PTGFR: variants seen among roughly 807,000 people sequenced by gnomAD.
PTGFR encodes prostaglandin F receptor, also known as prostaglandin F2-alpha receptor.
A neutral mutation model predicts 26.2 loss-of-function variants in PTGFR; 15 were observed. That is an observed-to-expected ratio of 0.57 (90% CI 0.38 to 0.88). The LOEUF is 0.88. Among genes scored for constraint, PTGFR ranks in the 40% least tolerant of loss-of-function variants. The pLI, the probability that PTGFR is intolerant of heterozygous loss-of-function variation, is 0.00. For missense variants in PTGFR, 369 were observed against 427.2 expected, an observed-to-expected ratio of 0.86 and a Z score of 1.20; for synonymous variants, 165 against 151.1, an observed-to-expected ratio of 1.09 and a Z score of -0.68.
rs144626360 is a variant in PTGFR, at chr1:78,499,722, A to C, written c.798+6181A>C. Among the ~76,000 whole-genome samples, 36 of 152,318 alleles carry C rather than the reference A, an allele frequency of 2.4e-4. 1 individual carries two copies. Among genetic ancestry groups the C allele is most frequent in the Non-Finnish European group, 4.6e-4 (31 of 68,038 alleles). On this transcript the variant is annotated intron_variant, in intron 2 of 2. Transcript: ENST00000370757. The stretch of plus-strand genomic sequence containing the variant: ...TGGACTTTCTGAAGTTTGAATCCAG[A>C]ATGAGAATTTAGGAATTCTGTCAGC...
intron 2 of PTGFR, among the ~76,000 whole-genome samples, chr1:78,499,311 C>T (rs189490717): frequency 8.5e-5 from 13 of 152,364 alleles, no homozygotes; most frequent in Middle Eastern, 3.4e-3. Context: ...TTATCTCCCT[C>T]ATAGGACCTA....
chr1:78,493,934 CAT>C (rs1278803645), intron 2 of PTGFR, among the ~76,000 whole-genome samples: 3 of 152,226 alleles, frequency 2.0e-5, no homozygotes, highest in African/African-American at 7.2e-5. Context: ...GTAAACAGGG[CAT>C]ATTAGCTACT....
rs770650859 is a variant in PTGFR at position 78,493,349 on chromosome 1, T to A, written c.606T>A (p.Leu202=). 1.2e-6 allele frequency: 2 copies of A among 1,614,094 alleles called. No individual in the cohort carries two copies. The highest frequency in any genetic ancestry group is 1.7e-6 in the Non-Finnish European group (2 of 1,180,004). ...DIKDWEDRFY[L]LLFSFLGLLA... ...AAGACTGGGAAGATAGATTTTATCTTCTACTTTTTTCTTTTCTGGGGCTCT... is the reference window on the plus strand; with the variant it reads ...AAGACTGGGAAGATAGATTTTATCTACTACTTTTTTCTTTTCTGGGGCTCT... The change falls in exon 2 of 3, where the codon CTT becomes CTA. Residue 202 remains leucine (L), a synonymous_variant. Coordinates refer to ENST00000370757, the MANE Select transcript of PTGFR (RefSeq NM_000959.4).
At chr1:78,534,810 AG>A (rs1398311858) in intron 2 of PTGFR, among the ~76,000 whole-genome samples, 2 of 152,194 alleles carry the variant, frequency 1.3e-5, no homozygotes, top group Non-Finnish European at 2.9e-5. Context: ...ATTATGTGAA[AG>A]TGTTATAATT....
chr1:78,498,180 T>A, intron 2 of PTGFR, among the ~76,000 whole-genome samples: 1 of 152,120 alleles, frequency 6.6e-6, no homozygotes. Flanking sequence ...AATGATGGAG[T>A]AACATGACAT....
chr1:78,500,883 T>C (rs1360518962), intron 2 of PTGFR, among the ~76,000 whole-genome samples: 4 of 152,196 alleles, frequency 2.6e-5, no homozygotes, highest in South Asian at 2.1e-4. Flanking sequence ...CAAATGTCAA[T>C]CCATTTTTAA....
chr1:78,531,123 T>A (rs986537075), intron 2 of PTGFR, among the ~76,000 whole-genome samples: 1 of 152,174 alleles, frequency 6.6e-6, no homozygotes, highest in South Asian at 2.1e-4. Context: ...AGGTTTGAGA[T>A]ACTGACAGGT....
chr1:78,513,765 T>G (rs557880504), intron 2 of PTGFR, among the ~76,000 whole-genome samples: 2 of 152,280 alleles, frequency 1.3e-5, no homozygotes, highest in East Asian at 3.9e-4. Context: ...GCAGCCCCTC[T>G]CATCACAGGC....
At chr1:78,498,412 G>T (rs1322913138) in intron 2 of PTGFR, among the ~76,000 whole-genome samples, 1 of 152,066 alleles carries the variant, frequency 6.6e-6, no homozygotes, top group Non-Finnish European at 1.5e-5. Context: ...TATATGTAGT[G>T]TGTATATATA....
At chr1:78,536,001 T>G (rs1291162114) in intron 2 of PTGFR, among the ~76,000 whole-genome samples, 2 of 152,162 alleles carry the variant, frequency 1.3e-5, no homozygotes, top group Non-Finnish European at 2.9e-5. Flanking sequence ...TGCTCTAAAT[T>G]CATTTTGTAA....
At chr1:78,535,836 T>C (rs972501224) in intron 2 of PTGFR, among the ~76,000 whole-genome samples, 4 of 152,138 alleles carry the variant, frequency 2.6e-5, no homozygotes, top group Non-Finnish European at 5.9e-5. Flanking sequence ...AAAATTCCAT[T>C]GCATACTTTT....
rs535564400 is a variant in PTGFR, at chr1:78,509,014, G to A, written c.798+15473G>A. ...TAGTGGAATATAGACCATCATATTC[G>A]AACAGACCAAATAGAGATTTTCTTT... On this transcript the variant is annotated intron_variant, in intron 2 of 2. Coordinates refer to ENST00000370757, the MANE Select transcript of PTGFR (RefSeq NM_000959.4). Among the ~76,000 whole-genome samples, 120 of 152,062 alleles carry A rather than the reference G, an allele frequency of 7.9e-4. 1 individual carries two copies. Among genetic ancestry groups the A allele is most frequent in the Non-Finnish European group, 1.5e-3 (104 of 68,016 alleles).
intron 2 of PTGFR, among the ~76,000 whole-genome samples, chr1:78,531,337 C>T (rs1284795361): frequency 6.6e-6 from 1 of 152,134 alleles, no homozygotes; most frequent in African/African-American, 2.4e-5. Context: ...CCACCACCTC[C>T]ATCCCAGTTC....
intron 2 of PTGFR, among the ~76,000 whole-genome samples, chr1:78,531,412 G>A (rs1426020315): frequency 6.6e-6 from 1 of 152,064 alleles, no homozygotes; most frequent in African/African-American, 2.4e-5. Flanking sequence ...CTCTTCACCT[G>A]CCCCAGTGAT....
intron 2 of PTGFR, among the ~76,000 whole-genome samples, chr1:78,520,661 C>T (rs1352472587): frequency 1.3e-5 from 2 of 151,838 alleles, no homozygotes; most frequent in Non-Finnish European, 2.9e-5. Context: ...TGATGATTTG[C>T]CATTGGTTTG....
At chr1:78,510,458 C>A (rs532123327) in intron 2 of PTGFR, among the ~76,000 whole-genome samples, 13 of 152,052 alleles carry the variant, frequency 8.5e-5, no homozygotes, top group African/African-American at 3.1e-4. Flanking sequence ...CTCTGTTAAA[C>A]AAGCAGATCT....
intron 2 of PTGFR, among the ~76,000 whole-genome samples, chr1:78,497,488 T>A (rs963691050): frequency 1.3e-5 from 2 of 152,184 alleles, no homozygotes; most frequent in African/African-American, 4.8e-5. Context: ...AAAAAAGAGA[T>A]TCACCAGCAC....
At chr1:78,494,432 A>G (rs1649493447) in intron 2 of PTGFR, among the ~76,000 whole-genome samples, 1 of 152,198 alleles carries the variant, frequency 6.6e-6, no homozygotes, top group Non-Finnish European at 1.5e-5. Flanking sequence ...CTCGTCTGTA[A>G]CAATGGGGAA....
chr1:78,514,294 C>T (rs1650042519), intron 2 of PTGFR, among the ~76,000 whole-genome samples: 2 of 151,942 alleles, frequency 1.3e-5, no homozygotes, highest in Non-Finnish European at 2.9e-5. Context: ...GATCTTCCCC[C>T]TTGGGAGCTC....
Sources: gnomAD v4.1 joint callset for allele counts (sites outside exome capture counted in the v4.1 genomes callset) on GRCh38, gnomAD v4.1.1 for gene constraint, MANE v1.5 for transcripts, NCBI Gene and HGNC (gene_info 2026-07-23, HGNC 2026-07-21) for gene names.